The following DHCR24 variants were observed in gnomAD, a reference collection of about 807,000 sequenced individuals.
DHCR24 encodes 24-dehydrocholesterol reductase.
DHCR24 carries 28 observed loss-of-function variants against 61.2 expected under a neutral mutation model. That is an observed-to-expected ratio of 0.46 (90% CI 0.34 to 0.63). The LOEUF (loss-of-function observed/expected upper bound fraction) is 0.63. Among genes scored for constraint, DHCR24 ranks in the 20% least tolerant of loss-of-function variants. The pLI is 0.01. For missense variants in DHCR24, 538 were observed against 679.1 expected, an observed-to-expected ratio of 0.79 and a Z score of 2.31; for synonymous variants, 261 against 275.9, an observed-to-expected ratio of 0.95 and a Z score of 0.54.
At chr1:54,884,766 C>G (rs1287395869) in intron 1 of DHCR24, among the ~76,000 whole-genome samples, 3 of 152,164 alleles carry the variant, frequency 2.0e-5, no homozygotes, top group Admixed American at 1.3e-4. Context: ...TTAATGACAT[C>G]TCATTAAGTC....
At chr1:54,864,069 T>A (rs1646953601) in intron 6 of DHCR24, among the ~76,000 whole-genome samples, 1 of 152,112 alleles carries the variant, frequency 6.6e-6, no homozygotes, top group Admixed American at 6.5e-5. Context: ...GGTGAGAATG[T>A]TGAAAAAATA....
In DHCR24 at chr1:54,871,547, C is replaced by T. The variant is rs201280799; in HGVS notation, c.679G>A (p.Ala227Thr). 291 of 1,614,162 alleles carry T rather than the reference C, an allele frequency of 1.8e-4. No homozygotes were observed. The highest frequency in any genetic ancestry group is 2.1e-4 in the Non-Finnish European group (250 of 1,180,036). Residue 227 changes from alanine (A) to threonine (T), a missense_variant, in exon 5 of 9, where the codon GCT (alanine) becomes ACT (threonine). Physicochemically the swap from Ala to Thr is moderately conservative, Grantham distance 58. Transcript: ENST00000371269. ...TTGGCAGGGATGATGCGGATCTCAG[C>T]GGCCACCAGGAAACCCAGCGTCCCA... The part of the protein sequence containing the change: ...SCGTLGFLVA[A>T]EIRIIPAKKY...
chr1:54,885,893 T>C (rs1159395778), intron 1 of DHCR24, among the ~76,000 whole-genome samples: 1 of 152,142 alleles, frequency 6.6e-6, no homozygotes, highest in African/African-American at 2.4e-5. Flanking sequence ...TCTGGAGCCA[T>C]GACTGTGACC....
chr1:54,858,228 G>A (rs1191833248), intron 6 of DHCR24, among the ~76,000 whole-genome samples: 1 of 152,264 alleles, frequency 6.6e-6, no homozygotes, highest in African/African-American at 2.4e-5. Context: ...TGGCAGAAGG[G>A]AGCTGCCTCA....
intron 2 of DHCR24, among the ~76,000 whole-genome samples, chr1:54,880,466 T>C (rs1274386717): frequency 6.6e-6 from 1 of 152,100 alleles, no homozygotes; most frequent in Non-Finnish European, 1.5e-5. Flanking sequence ...CTAAATAAAA[T>C]ATCAAAATGC....
At chr1:54,855,492 G>A (rs530233410) in intron 6 of DHCR24, among the ~76,000 whole-genome samples, 4 of 152,214 alleles carry the variant, frequency 2.6e-5, no homozygotes, top group Non-Finnish European at 4.4e-5. Flanking sequence ...CATGGTCTCT[G>A]TCCTTAAGAC....
At chr1:54,879,771 A>G (rs116128407) in intron 2 of DHCR24, among the ~76,000 whole-genome samples, 308 of 152,342 alleles carry the variant, frequency 2.0e-3, no homozygotes, top group Non-Finnish European at 3.5e-3. Flanking sequence ...CATGGGTCAA[A>G]GCAGACATCA....
intron 5 of DHCR24, among the ~76,000 whole-genome samples, chr1:54,866,619 A>G (rs752546257): frequency 3.9e-4 from 59 of 152,356 alleles, no homozygotes; most frequent in Admixed American, 3.3e-4. Flanking sequence ...TGCCTGGTCC[A>G]CAGGTGGCTG....
intron 2 of DHCR24, among the ~76,000 whole-genome samples, chr1:54,882,077 C>T (rs563044400): frequency 3.3e-5 from 5 of 151,340 alleles, no homozygotes; most frequent in African/African-American, 1.2e-4. Context: ...CCCCATGACA[C>T]ACGTTTACCT....
chr1:54,854,099 C>T lies in DHCR24; in HGVS notation c.1156G>A (p.Asp386Asn). 1 of 1,614,074 alleles carries T rather than the reference C, an allele frequency of 6.2e-7. No homozygotes were observed. The highest frequency in any genetic ancestry group is 8.5e-7 in the Non-Finnish European group (1 of 1,179,976). The change falls in exon 7 of 9, where the codon GAC becomes AAC. Residue 386 changes from aspartate to asparagine, a missense_variant. Transcript: ENST00000371269. ...AGGCACTTCATGGGCACCAGCATGT[C>T]CTGCACCACGTGGTGCTGCTCGTAC... ...KLYEQHHVVQ[D>N]MLVPMKCLQQ... is the part of the protein sequence containing the mutation.
rs552287748 is a variant in DHCR24 at position 54,849,721 on chromosome 1, T to C, written c.*2512A>G. On this transcript the variant is annotated 3_prime_UTR_variant, in exon 9 of 9. Coordinates refer to ENST00000371269, the MANE Select transcript of DHCR24 (RefSeq NM_014762.4). The stretch of plus-strand genomic sequence containing the variant: ...ACAGTAGACACAGTGCCTGTGGCTG[T>C]AAGAGCCTGACAGGGAAGATTCATG... The C allele has an allele frequency of 6.5e-6, 1 of 152,750 alleles. No individual in the cohort carries two copies. The highest frequency in any genetic ancestry group is 6.5e-5 in the Admixed American group (1 of 15,298). 9.5% of individuals were successfully genotyped at this position (152,750 alleles called of 1,614,324 possible).
At chr1:54,879,322 G>GGGAAAAAAAAAAAAAAAAAA (rs1647052099) in intron 2 of DHCR24, among the ~76,000 whole-genome samples, 1 of 108,536 alleles carries the variant, frequency 9.2e-6, no homozygotes. Context: ...GACTCCATCT[G>GGGAAAAAAAAAAAAAAAAAA]AAAAAAAAAA....
chr1:54,882,079 C>T (rs892861027), intron 2 of DHCR24, among the ~76,000 whole-genome samples: 2 of 150,972 alleles, frequency 1.3e-5, no homozygotes, highest in African/African-American at 4.9e-5. Flanking sequence ...CCATGACACA[C>T]GTTTACCTAT....
chr1:54,858,939 G>C (rs1249096259), intron 6 of DHCR24, among the ~76,000 whole-genome samples: 5 of 152,116 alleles, frequency 3.3e-5, no homozygotes, highest in Non-Finnish European at 2.9e-5. Context: ...CCGGCCTTCT[G>C]TAGCGGTTTT....
chr1:54,873,876 C>T (rs1312248333), intron 4 of DHCR24, among the ~76,000 whole-genome samples: 1 of 152,176 alleles, frequency 6.6e-6, no homozygotes, highest in African/African-American at 2.4e-5. Context: ...TCTCAAACTG[C>T]TAAGCTCAAG....
chr1:54,867,591 A>G (rs1646974187), intron 5 of DHCR24, among the ~76,000 whole-genome samples: 1 of 152,260 alleles, frequency 6.6e-6, no homozygotes, highest in South Asian at 2.1e-4. Flanking sequence ...CTTAGGGAGC[A>G]TCTAATACAT....
intron 8 of DHCR24, 49 bp downstream of exon 8, chr1:54,853,385 C>T: frequency 6.2e-7 from 1 of 1,611,032 alleles, no homozygotes; most frequent in Non-Finnish European, 8.5e-7. Context: ...TGGAGCAGTA[C>T]CCTGGGGCTG....
intron 2 of DHCR24, among the ~76,000 whole-genome samples, chr1:54,879,423 C>T (rs1434304688): frequency 6.7e-6 from 1 of 149,602 alleles, no homozygotes; most frequent in Non-Finnish European, 1.5e-5. Flanking sequence ...GCACTAATAG[C>T]AAATTAGAAA....
intron 6 of DHCR24, among the ~76,000 whole-genome samples, chr1:54,855,415 TC>T (rs1570180119): frequency 6.8e-6 from 1 of 147,058 alleles, no homozygotes; most frequent in Non-Finnish European, 1.5e-5. Flanking sequence ...AAAAAACAGT[TC>T]CAAGGGGCCT....
Sources: allele counts gnomAD v4.1 joint callset (sites outside exome capture counted in the v4.1 genomes callset), GRCh38; gene constraint gnomAD v4.1.1; transcripts MANE v1.5; gene names NCBI Gene and HGNC (gene_info 2026-07-23, HGNC 2026-07-21).